Variants in USP31 observed in about 807,000 individuals in gnomAD.
USP31 encodes ubiquitin carboxyl-terminal hydrolase 31.
In USP31, 44 loss-of-function variants were observed where a neutral mutation model predicts 119.4. The ratio of observed to expected loss-of-function variants is 0.37; its 90% CI spans 0.29 to 0.47. The LOEUF is 0.47. Ranked by LOEUF, USP31 falls within the 20% of genes least tolerant of loss-of-function variation. The pLI, the probability that USP31 is intolerant of heterozygous loss-of-function variation, is 0.99. For missense variants in USP31, 1,643 were observed against 1,730.2 expected (o/e 0.95, Z 0.89); for synonymous variants, 749 against 705.6 (o/e 1.06, Z -0.97).
intron 1 of USP31, among the ~76,000 whole-genome samples, chr16:23,135,131 A>G (rs531637952): frequency 1.8e-4 from 24 of 136,888 alleles, no homozygotes; most frequent in Non-Finnish European, 2.4e-4. Context: ...ACACTCTTTC[A>G]TGATTTAAAA....
chr16:23,148,229 A>C (rs570664906), intron 1 of USP31, among the ~76,000 whole-genome samples: 1 of 152,324 alleles, frequency 6.6e-6, no homozygotes, highest in East Asian at 1.9e-4. Flanking sequence ...CCCCAGATGA[A>C]GAAACTGTAA....
chr16:23,075,516 T>C (rs1459024108), intron 13 of USP31, among the ~76,000 whole-genome samples: 1 of 152,154 alleles, frequency 6.6e-6, no homozygotes, highest in Non-Finnish European at 1.5e-5. Context: ...ACTAGAATTA[T>C]GGCTCACGGA....
At chr16:23,145,938 A>G (rs1244549635) in intron 1 of USP31, among the ~76,000 whole-genome samples, 1 of 152,230 alleles carries the variant, frequency 6.6e-6, no homozygotes, top group Non-Finnish European at 1.5e-5. Context: ...TCAGGAGATT[A>G]CTTTTAAAAA....
rs1490147766 is a variant in USP31, at chr16:23,135,789, T to C, written c.633+12849A>G. Among the ~76,000 whole-genome samples the C allele has an allele frequency of 2.6e-5, 4 of 152,188 alleles. No individual in the cohort carries two copies. The South Asian group carries it at 8.3e-4, about 32-fold the overall frequency. On this transcript the variant is annotated intron_variant, in intron 1 of 15. Coordinates refer to ENST00000219689, the MANE Select transcript of USP31 (RefSeq NM_020718.4). ...ATCTACATATTCAAGGCAATCTCTG[T>C]CAAAATCCTAACAGCATCTTTTGGA...
At chr16:23,098,073 C>G (rs967075673) in intron 6 of USP31, among the ~76,000 whole-genome samples, 1 of 152,040 alleles carries the variant, frequency 6.6e-6, no homozygotes, top group African/African-American at 2.4e-5. Context: ...TCTAGAAAAC[C>G]CCATCGTCTC....
rs1226114514 is a variant in USP31, at chr16:23,148,647, G to A, written c.624C>T (p.Arg208=). 1 of 1,487,724 alleles carries A rather than the reference G, an allele frequency of 6.7e-7. No individual in the cohort carries two copies. Among genetic ancestry groups the A allele is most frequent in the Admixed American group, 2.4e-5 (1 of 41,734 alleles). The allele number at this position is 1,487,724 out of a possible 1,614,324, so 92.2% of individuals were successfully genotyped here. Reference sequence around the variant, plus strand: ...CGGCGCGCGGGCTCACCTTGAAGTCGCGGCTGTGCTGCGGGGTGTACTCCA... The same window carrying A: ...CGGCGCGCGGGCTCACCTTGAAGTCACGGCTGTGCTGCGGGGTGTACTCCA... The part of the protein sequence containing the change: ...WTLEYTPQHS[R]DFKTIVSKNA... The change falls in exon 1 of 16, where the codon CGC becomes CGT. Residue 208 remains arginine (R), a synonymous_variant. Coordinates refer to ENST00000219689, the MANE Select transcript of USP31 (RefSeq NM_020718.4).
chr16:23,090,278 C>A (rs539039298), intron 7 of USP31, among the ~76,000 whole-genome samples: 2 of 152,110 alleles, frequency 1.3e-5, no homozygotes, highest in Non-Finnish European at 2.9e-5. Flanking sequence ...CCCAGCTACT[C>A]GGAAGGCTGA....
intron 1 of USP31, among the ~76,000 whole-genome samples, chr16:23,130,766 C>G (rs1903006139): frequency 1.3e-5 from 2 of 152,242 alleles, no homozygotes; most frequent in East Asian, 3.9e-4. Flanking sequence ...TATCACCCAC[C>G]ACCCCAGATC....
intron 1 of USP31, among the ~76,000 whole-genome samples, chr16:23,119,288 G>A (rs1457830559): frequency 1.3e-5 from 2 of 151,572 alleles, no homozygotes; most frequent in Non-Finnish European, 2.9e-5. Context: ...TTGTAGAGAT[G>A]GGTTTCACCA....
intron 1 of USP31, among the ~76,000 whole-genome samples, chr16:23,136,714 T>G (rs1346508194): frequency 1.3e-5 from 2 of 148,418 alleles, no homozygotes; most frequent in Non-Finnish European, 3.0e-5. Context: ...AATGACAGAG[T>G]GGAAGGTAAT....
At position 23,141,751 on chromosome 16, in the gene USP31, C is replaced by T. The variant is rs904593196; in HGVS notation, c.633+6887G>A. Among the ~76,000 whole-genome samples the T allele has an allele frequency of 3.9e-5, 6 of 152,276 alleles. 1 individual carries two copies. The South Asian group carries it at 6.2e-4, about 16-fold the overall frequency. ...GCCTCCTCTGTGGCAATAAAAGTTC[C>T]GTAAAGGAAGGGACCACATGGCCTT... On this transcript the variant is annotated intron_variant, in intron 1 of 15. Coordinates refer to ENST00000219689, the MANE Select transcript of USP31 (RefSeq NM_020718.4).
At chr16:23,077,523 A>G (rs1209949978) in intron 13 of USP31, among the ~76,000 whole-genome samples, 1 of 152,174 alleles carries the variant, frequency 6.6e-6, no homozygotes, top group Non-Finnish European at 1.5e-5. Flanking sequence ...GCTAAATACT[A>G]GAGAAAAGAG....
In USP31 at chr16:23,148,762, G is replaced by A. The variant is rs1343609487; in HGVS notation, c.509C>T (p.Pro170Leu). 2.6e-6 allele frequency: 4 copies of A among 1,522,546 alleles called. No homozygotes were observed. Among genetic ancestry groups the A allele is most frequent in the Non-Finnish European group, 3.5e-6 (4 of 1,140,230 alleles). The allele number at this position is 1,522,546 out of a possible 1,614,324, so 94.3% of individuals were successfully genotyped here. The change falls in exon 1 of 16, where the codon CCT becomes CTT. Residue 170 changes from proline to leucine, a missense_variant. Transcript: ENST00000219689. Reference protein sequence around the residue: ...QYRAGRPEPSPDPEQPAGRGA... With the variant: ...QYRAGRPEPSLDPEQPAGRGA... Reference sequence around the variant, plus strand: ...GCGGCCCGCAGGCTGCTCCGGGTCAGGCGAGGGCTCGGGCCGCCCCGCCCG... The same window carrying A: ...GCGGCCCGCAGGCTGCTCCGGGTCAAGCGAGGGCTCGGGCCGCCCCGCCCG...
chr16:23,070,726 A>T (rs1900312237), intron 15 of USP31, among the ~76,000 whole-genome samples: 1 of 150,210 alleles, frequency 6.7e-6, no homozygotes, highest in Non-Finnish European at 1.5e-5. Flanking sequence ...AAAAAAAAAA[A>T]TACTCATAAT....
chr16:23,100,665 C>T (rs993796713), intron 6 of USP31, among the ~76,000 whole-genome samples: 5 of 151,986 alleles, frequency 3.3e-5, no homozygotes, highest in African/African-American at 4.8e-5. Flanking sequence ...CCCAGCTACT[C>T]GGGAGGCTAA....
At chr16:23,111,929 G>T (rs1902331588) in intron 1 of USP31, among the ~76,000 whole-genome samples, 1 of 152,154 alleles carries the variant, frequency 6.6e-6, no homozygotes, top group African/African-American at 2.4e-5. Context: ...AGAAGGAACA[G>T]ATTTGCGATT....
chr16:23,092,233 C>G (rs1325526426), intron 6 of USP31, among the ~76,000 whole-genome samples: 1 of 152,222 alleles, frequency 6.6e-6, no homozygotes, highest in Non-Finnish European at 1.5e-5. Context: ...AAGGCAGTCT[C>G]TGGCTAGAAT....
chr16:23,130,415 C>A (rs1326778516), intron 1 of USP31, among the ~76,000 whole-genome samples: 1 of 151,684 alleles, frequency 6.6e-6, no homozygotes. Context: ...GTGACACCCC[C>A]CCCCCAACTA....
Position 23,085,036 on chromosome 16 carries a change from A to G in USP31, c.1701-47T>C, listed in dbSNP as rs186352472. On this transcript the variant is annotated intron_variant, in intron 10 of 15. Coordinates refer to ENST00000219689, the MANE Select transcript of USP31 (RefSeq NM_020718.4). ...TCTATCAGGGAATGTCTTGCAAAAC[A>G]GAAGGAAAAATACAATTATGGCTTC... The G allele has an allele frequency of 1.1e-4, 172 of 1,604,360 alleles. 2 individuals are homozygous for G. In the East Asian group the frequency reaches 3.8e-3, roughly 35 times the overall value.
Sources: allele counts gnomAD v4.1 joint callset (sites outside exome capture counted in the v4.1 genomes callset), GRCh38; gene constraint gnomAD v4.1.1; transcripts MANE v1.5; gene names NCBI Gene and HGNC (gene_info 2026-07-23, HGNC 2026-07-21).